ACOT11: variants seen among roughly 807,000 people sequenced by gnomAD.
The protein encoded by ACOT11 is acyl-CoA thioesterase 11, also known as acyl-coenzyme A thioesterase 11.
Under a neutral mutation model 77.5 loss-of-function variants are expected in ACOT11, and 69 were observed. That is an observed-to-expected ratio of 0.89 (90% CI 0.73 to 1.09). ACOT11 has a LOEUF of 1.09. Among genes scored for constraint, ACOT11 ranks in the 50% least tolerant of loss-of-function variants. The probability of loss-of-function intolerance (pLI) is 0.00; values close to 1 mark genes in which losing one functional copy is unlikely to be tolerated. For synonymous variants in ACOT11, 279 were observed against 313.0 expected (o/e 0.89, Z 1.15); for missense variants, 766 against 813.7 (o/e 0.94, Z 0.71).
At chr1:54,554,844 G>A (rs1653205899) in intron 1 of ACOT11, among the ~76,000 whole-genome samples, 1 of 152,092 alleles carries the variant, frequency 6.6e-6, no homozygotes, top group Non-Finnish European at 1.5e-5. Context: ...ATTTTTTGAG[G>A]AACCTCCATA....
intron 1 of ACOT11, among the ~76,000 whole-genome samples, chr1:54,551,757 TTTTG>T (rs935885551): frequency 1.3e-5 from 2 of 151,922 alleles, no homozygotes; most frequent in African/African-American, 2.4e-5. Flanking sequence ...TTGTTTTTGT[TTTTG>T]TTTTTGTTTT....
At chr1:54,576,095 T>C (rs1461633742) in intron 1 of ACOT11, among the ~76,000 whole-genome samples, 1 of 152,068 alleles carries the variant, frequency 6.6e-6, no homozygotes, top group Non-Finnish European at 1.5e-5. Flanking sequence ...TAAGGGAATT[T>C]GAAGGAGCTG....
At chr1:54,610,583 A>C (rs1393545546), downstream of ACOT11, 1 of 1,602,966 alleles carries the variant, frequency 6.2e-7, no homozygotes, top group Admixed American at 1.7e-5. Context: ...GCCAAGGTGA[A>C]GTGGCTGCCA....
At chr1:54,568,474 C>T (rs564196018) in intron 1 of ACOT11, among the ~76,000 whole-genome samples, 1 of 150,430 alleles carries the variant, frequency 6.6e-6, no homozygotes. Flanking sequence ...AAGCAATTCT[C>T]CTGCCTCAGC....
downstream of ACOT11, among the ~76,000 whole-genome samples, chr1:54,613,907 G>A (rs1644144284): frequency 1.3e-5 from 2 of 152,144 alleles, no homozygotes; most frequent in Admixed American, 6.5e-5. Context: ...TTGAATCTTT[G>A]CTCTGCCACT....
Position 54,619,606 on chromosome 1 carries a change from G to A in ACOT11, c.1630-11128G>A, listed in dbSNP as rs148165622. Among the ~76,000 whole-genome samples, 498 of 152,334 alleles carry A rather than the reference G, an allele frequency of 3.3e-3. 4 individuals are homozygous for A. Among genetic ancestry groups the A allele is most frequent in the African/African-American group, 0.012 (480 of 41,576 alleles). On this transcript the variant is annotated intron_variant, in intron 15 of 16. Coordinates refer to the ACOT11 transcript ENST00000371316. Reference sequence around the variant, plus strand: ...ACAGTTTGGTCCCTGACAGGTCGAGGAAGGGGTAGCTGGGAGGGAGGACAG... The same window carrying A: ...ACAGTTTGGTCCCTGACAGGTCGAGAAAGGGGTAGCTGGGAGGGAGGACAG...
intron 7 of ACOT11, chr1:54,598,181 C>A (rs1253531862): frequency 6.6e-6 from 1 of 152,240 alleles, no homozygotes; most frequent in Non-Finnish European, 1.5e-5. Context: ...TTTGGGCAGG[C>A]CTGGCTATGA....
chr1:54,623,412 G>A (rs764594467), intron 15 of ACOT11: 2 of 1,597,902 alleles, frequency 1.3e-6, no homozygotes, highest in Non-Finnish European at 1.7e-6. Context: ...GCTCTCTGGG[G>A]AATGCCCCCA....
chr1:54,622,238 C>T (rs912658261), intron 15 of ACOT11, among the ~76,000 whole-genome samples: 4 of 137,480 alleles, frequency 2.9e-5, no homozygotes, highest in East Asian at 2.2e-4. Flanking sequence ...ATCATGTCAC[C>T]GCACTCTAGG....
At chr1:54,637,992 TAAA>T (rs544809074) in exon 17 of ACOT11, 5 of 151,632 alleles carry the variant, frequency 3.3e-5, no homozygotes, top group Non-Finnish European at 7.4e-5. Flanking sequence ...TTATTAAAAT[TAAA>T]AAAAAATTAA....
chr1:54,625,287 C>T (rs1381586858), intron 15 of ACOT11, among the ~76,000 whole-genome samples: 1 of 152,084 alleles, frequency 6.6e-6, no homozygotes, highest in East Asian at 1.9e-4. Context: ...GGAGCCAGGC[C>T]CTGGTGAGGT....
chr1:54,597,534 G>T, intron 7 of ACOT11, 119 bp downstream of exon 7: 1 of 1,276,394 alleles, frequency 7.8e-7, no homozygotes, highest in Non-Finnish European at 1.1e-6. Context: ...CAGAAGCTTG[G>T]CTGTTCTGAA....
At chr1:54,560,366 A>G (rs1040038215) in intron 1 of ACOT11, among the ~76,000 whole-genome samples, 1 of 152,164 alleles carries the variant, frequency 6.6e-6, no homozygotes, top group Non-Finnish European at 1.5e-5. Context: ...AGAGATGTGA[A>G]GGAGCCAGGT....
chr1:54,592,575 A>C lies in ACOT11; in HGVS notation c.341A>C (p.Lys114Thr). 1.2e-6 allele frequency: 2 copies of C among 1,613,214 alleles called. No individual in the cohort carries two copies. Among genetic ancestry groups the C allele is most frequent in the Non-Finnish European group, 1.7e-6 (2 of 1,179,550 alleles). The change falls in exon 4 of 16, where the codon AAG becomes ACG. Residue 114 changes from lysine (K) to threonine (T), a missense_variant. Lys to Thr is a moderately conservative substitution (Grantham distance 78, BLOSUM62 -1). Transcript: ENST00000343744. ...SVGQVVNIKAKVNRAFNSSME... is the reference protein window; with the variant it reads ...SVGQVVNIKATVNRAFNSSME... ...GGACAAGTGGTGAATATCAAGGCCAAGGTGAACCGGGCCTTCAACTCCAGC... is the reference window on the plus strand; with the variant it reads ...GGACAAGTGGTGAATATCAAGGCCACGGTGAACCGGGCCTTCAACTCCAGC...
At chr1:54,571,071 C>CTCTCTCTCTCTCTCTT (rs779276330) in intron 1 of ACOT11, among the ~76,000 whole-genome samples, 25 of 141,844 alleles carry the variant, frequency 1.8e-4, no homozygotes, top group African/African-American at 6.6e-4. Flanking sequence ...TTCTCTCTCT[C>CTCTCTCTCTCTCTCTT]TTTTTTTTTT....
chr1:54,562,195 C>T (rs1418712411), intron 1 of ACOT11, among the ~76,000 whole-genome samples: 5 of 79,928 alleles, frequency 6.3e-5, no homozygotes, highest in Non-Finnish European at 6.9e-5. Flanking sequence ...ACCTCCCAGA[C>T]GGGGCGGCTG....
At chr1:54,591,037 C>T (rs903224329) in intron 3 of ACOT11, among the ~76,000 whole-genome samples, 8 of 152,152 alleles carry the variant, frequency 5.3e-5, no homozygotes, top group African/African-American at 1.9e-4. Context: ...GGATTACAGA[C>T]ATAATATATA....
chr1:54,603,916 C>T lies in ACOT11; in HGVS notation c.1131C>T (p.Val377=). 2 of 1,614,136 alleles carry T rather than the reference C, an allele frequency of 1.2e-6. No individual in the cohort carries two copies. Among genetic ancestry groups the T allele is most frequent in the Non-Finnish European group, 1.7e-6 (2 of 1,179,998 alleles). ...AGCAGACAGAGGTGCCCCTCTCCGTCCCCTGGGACCCTAGCAACCAGGTAA... is the reference window on the plus strand; with the variant it reads ...AGCAGACAGAGGTGCCCCTCTCCGTTCCCTGGGACCCTAGCAACCAGGTAA... The part of the protein sequence containing the change: ...SCKQTEVPLS[V]PWDPSNQVYL... The change falls in exon 11 of 16, where the codon GTC becomes GTT. Residue 377 remains valine, a synonymous_variant. Transcript: ENST00000343744.
chr1:54,597,564 T>C, intron 7 of ACOT11, 149 bp downstream of exon 7: 3 of 1,007,558 alleles, frequency 3.0e-6, no homozygotes, highest in Non-Finnish European at 4.2e-6. Flanking sequence ...TGAATTTTTG[T>C]GAACTGACCA....
Sources: allele counts gnomAD v4.1 joint callset (sites outside exome capture counted in the v4.1 genomes callset), GRCh38; gene constraint gnomAD v4.1.1; transcripts MANE v1.5; gene names NCBI Gene and HGNC (gene_info 2026-07-23, HGNC 2026-07-21).